The following SGSH variants were observed in gnomAD, a reference collection of about 807,000 sequenced individuals.
SGSH encodes heparan sulfate sulfatase.
In SGSH, 48 loss-of-function variants were observed where a neutral mutation model predicts 51.0. The ratio of observed to expected loss-of-function variants is 0.94; its 90% confidence interval spans 0.75 to 1.20. The LOEUF is 1.20. SGSH is among the 50% of genes most tolerant of loss of function. The pLI is 0.00. For missense variants in SGSH, 662 were observed against 717.8 expected (o/e 0.92, Z 0.89); for synonymous variants, 321 against 313.4 (o/e 1.02, Z -0.26).
chr17:80,209,701 C>T lies in SGSH; in HGVS notation c.*751G>A, dbSNP rs753104840. On this transcript the variant is annotated 3_prime_UTR_variant, in exon 8 of 8. Coordinates refer to ENST00000326317, the MANE Select transcript of SGSH (RefSeq NM_000199.5). ...CACCACCCAGCAATGCCAGTGTCAC[C>T]GAAGAATTAACCCAAGCCAGAGGAC... 40 of 985,312 alleles carry T rather than the reference C, an allele frequency of 4.1e-5. No homozygotes were observed. Among genetic ancestry groups the T allele is most frequent in the East Asian group, 1.1e-4 (1 of 8,790 alleles). 61.0% of individuals were successfully genotyped at this position (985,312 alleles called of 1,614,324 possible). A position where few individuals can be genotyped will look rare whatever the true frequency, so the allele number is the denominator to read the frequency against.
chr17:80,209,284 GA>G lies in SGSH; in HGVS notation c.*1167del. On this transcript the variant is annotated 3_prime_UTR_variant, in exon 8 of 8. Transcript: ENST00000326317. ...GTTGGTATCATCATAAATGAGTTCA[GA>G]AAAAGAACTTCTGTATATTTTACTA... is the stretch of plus-strand genomic sequence containing the variant. 1.0e-6 allele frequency: 1 copy of G among 982,642 alleles called. No homozygotes were observed. Among genetic ancestry groups the G allele is most frequent in the Non-Finnish European group, 1.2e-6 (1 of 827,400 alleles). The allele number at this position is 982,642 out of a possible 1,614,324, so 60.9% of individuals were successfully genotyped here.
chr17:80,204,345 A>G, downstream of SGSH: 1 of 1,553,064 alleles, frequency 6.4e-7, no homozygotes, highest in Middle Eastern at 1.8e-4. Context: ...ATGGAGGGTG[A>G]GGCCTGGTGA....
At position 80,213,816 on chromosome 17, in the gene SGSH, G is replaced by A. The variant is rs1455698449; in HGVS notation, c.733C>T (p.Arg245Cys). The A allele has an allele frequency of 6.2e-7, 1 of 1,604,176 alleles. No homozygotes were observed. Among genetic ancestry groups the A allele is most frequent in the Non-Finnish European group, 8.5e-7 (1 of 1,177,954 alleles). The change falls in exon 6 of 8, where the codon CGC becomes TGC. Residue 245 changes from arginine to cysteine, a missense_variant. By Grantham distance (180) the Arg-to-Cys change is radical. Coordinates refer to ENST00000326317, the MANE Select transcript of SGSH (RefSeq NM_000199.5). The surrounding 1 kb of genome is among the most constrained non-coding windows in gnomAD (Gnocchi z 4.6). ...TCTGCAAGCCCACCTTGGTCCATGCGGCCGACGGTGGTGTACTGAGCGGCC... is the reference window on the plus strand; with the variant it reads ...TCTGCAAGCCCACCTTGGTCCATGCAGCCGACGGTGGTGTACTGAGCGGCC... Reference protein sequence around the residue: ...DLAAQYTTVGRMDQGVGLVLQ... With the variant: ...DLAAQYTTVGCMDQGVGLVLQ...
chr17:80,209,203 C>T, downstream of SGSH: 1 of 668,070 alleles, frequency 1.5e-6, no homozygotes, highest in Non-Finnish European at 1.9e-6. Flanking sequence ...CTGTTGCAGA[C>T]TGAATGTCAT....
In SGSH at chr17:80,212,901, C is replaced by T. The variant is rs181568510; in HGVS notation, c.746-627G>A. On this transcript the variant is annotated intron_variant, in intron 6 of 7. Transcript: ENST00000326317. The surrounding 1 kb of genome is among the most constrained non-coding windows in gnomAD (Gnocchi z 5.9). ...AACCCGACGGGGTCCTTATAAGAAG[C>T]GGAAACAGGCCGGGCGCGGTGCCTC... 697 of 162,046 alleles carry T rather than the reference C, an allele frequency of 4.3e-3. 4 individuals carry two copies. The highest frequency in any genetic ancestry group is 0.015 in the African/African-American group (620 of 41,638). The allele number at this position is 162,046 out of a possible 1,614,324, so 10.0% of individuals were successfully genotyped here.
At chr17:80,204,392 G>A, downstream of SGSH, 9 of 1,480,092 alleles carry the variant, frequency 6.1e-6, no homozygotes, top group Non-Finnish European at 7.3e-6. Flanking sequence ...GTGGGTGAGG[G>A]GCTTTGGGAG....
intron 2 of SGSH, among the ~76,000 whole-genome samples, chr17:80,215,767 C>G (rs539335340): frequency 6.6e-6 from 1 of 151,644 alleles, no homozygotes; most frequent in Non-Finnish European, 1.5e-5. Flanking sequence ...TGCAGTGAGC[C>G]GAGATCACAC....
chr17:80,204,990 G>A (rs773347957), downstream of SGSH: 7 of 1,483,860 alleles, frequency 4.7e-6, no homozygotes, highest in Non-Finnish European at 4.5e-6. Flanking sequence ...GGCTGGCTGG[G>A]GGCTGCCGCA....
intron 1 of SGSH, 121 bp from the exon 2 acceptor site, chr17:80,217,313 G>T: frequency 8.5e-7 from 1 of 1,169,620 alleles, no homozygotes; most frequent in Non-Finnish European, 1.2e-6. Context: ...GCATGGTACT[G>T]GCTCAGTGTG....
At chr17:80,205,032 C>T (rs376922603), downstream of SGSH, 62 of 1,577,940 alleles carry the variant, frequency 3.9e-5, no homozygotes, top group Middle Eastern at 2.1e-4. Context: ...CTCTCCTCCA[C>T]AGGCTCCAGC....
In SGSH at chr17:80,210,912, G is replaced by C. The variant is rs144035603; in HGVS notation, c.1049C>G (p.Pro350Arg). ...TIHLTGRSLLPALEAEPLWAT... is the reference protein window; with the variant it reads ...TIHLTGRSLLRALEAEPLWAT... The stretch of plus-strand genomic sequence containing the variant: ...CCAGAGGGGCTCGGCCTCCAGCGCC[G>C]GCAGGAGGGACCGGCCAGTGAGGTG... The change falls in exon 8 of 8, where the codon CCG becomes CGG. Residue 350 changes from proline (P) to arginine (R), a missense_variant. Physicochemically the swap from Pro to Arg is moderately radical, Grantham distance 103. Transcript: ENST00000326317. 2 of 1,610,454 alleles carry C rather than the reference G, an allele frequency of 1.2e-6. No homozygotes were observed. Among genetic ancestry groups the C allele is most frequent in the Non-Finnish European group, 1.7e-6 (2 of 1,179,962 alleles).
rs1359433732 is a variant in SGSH at position 80,220,279 on chromosome 17, A to C, written c.35T>G (p.Leu12Arg). ...SCPVPACCAL[L>R]LVLGLCRARP... is the part of the protein sequence containing the mutation. ...CGCCCGGCAGAGCCCCAGGACTAGC[A>C]GCAGCGCGCAGCAGGCGGGCACGGG... Residue 12 changes from leucine (L) to arginine (R), a missense_variant, in exon 1 of 8, where the codon CTG becomes CGG. Leu to Arg is a moderately radical substitution (Grantham distance 102). Transcript: ENST00000326317. The C allele has an allele frequency of 1.3e-6, 2 of 1,519,782 alleles. No homozygotes were observed. Among genetic ancestry groups the C allele is most frequent in the South Asian group, 2.4e-5 (2 of 82,322 alleles). 94.1% of individuals were successfully genotyped at this position (1,519,782 alleles called of 1,614,324 possible). A position where few individuals can be genotyped will look rare whatever the true frequency, so the allele number is the denominator to read the frequency against.
At chr17:80,214,428 C>T in intron 4 of SGSH, 100 bp from the exon 5 acceptor site, 1 of 1,414,438 alleles carries the variant, frequency 7.1e-7, no homozygotes, top group Non-Finnish European at 9.6e-7. Context: ...GGAAGTCAAC[C>T]TGTGACCCTC....
In SGSH at chr17:80,217,202, G is replaced by T; in HGVS notation, c.89-10C>A. On this transcript the variant is annotated splice_polypyrimidine_tract_variant and intron_variant, in intron 1 of 7. Transcript: ENST00000326317. Reference sequence around the variant, plus strand: ...AAGCCTCCGTCATCCGCTGCGTGAGGTGGGAGACAGAGAGTGCACGGTCGG... The same window carrying T: ...AAGCCTCCGTCATCCGCTGCGTGAGTTGGGAGACAGAGAGTGCACGGTCGG... 1 of 1,595,366 alleles carries T rather than the reference G, an allele frequency of 6.3e-7. No homozygotes were observed. Among genetic ancestry groups the T allele is most frequent in the Non-Finnish European group, 8.5e-7 (1 of 1,176,180 alleles).
downstream of SGSH, chr17:80,205,205 G>T (rs772313392): frequency 6.2e-7 from 1 of 1,609,886 alleles, no homozygotes; most frequent in Non-Finnish European, 8.5e-7. Flanking sequence ...GTGCCTGGCA[G>T]GTATGCTGTT....
chr17:80,208,830 C>T (rs1303162416), downstream of SGSH: 9 of 153,490 alleles, frequency 5.9e-5, no homozygotes, highest in Non-Finnish European at 8.7e-5. Flanking sequence ...CACCCTTGCC[C>T]GGGGCAGAGG....
rs1240083192 is a variant in SGSH at position 80,209,404 on chromosome 17, A to G, written c.*1048T>C. 1 of 985,278 alleles carries G rather than the reference A, an allele frequency of 1.0e-6. No homozygotes were observed. The highest frequency in any genetic ancestry group is 1.2e-6 in the Non-Finnish European group (1 of 829,982). The allele number at this position is 985,278 out of a possible 1,614,324, so 61.0% of individuals were successfully genotyped here. A position where few individuals can be genotyped will look rare whatever the true frequency, so the allele number is the denominator to read the frequency against. Reference sequence around the variant, plus strand: ...AGGGAAGGGCAAGGGGAGCCCACCTACTCAAGGAAGCGCCCTCTCCTTCGA... The same window carrying G: ...AGGGAAGGGCAAGGGGAGCCCACCTGCTCAAGGAAGCGCCCTCTCCTTCGA... On this transcript the variant is annotated 3_prime_UTR_variant, in exon 8 of 8. Transcript: ENST00000326317.
chr17:80,210,030 T>G lies in SGSH; in HGVS notation c.*422A>C. Reference sequence around the variant, plus strand: ...CCCCTGCCTGCTCTCTGTGAAGGGTTCAGAAGTATCTGTGGCTGCCAAAGC... The same window carrying G: ...CCCCTGCCTGCTCTCTGTGAAGGGTGCAGAAGTATCTGTGGCTGCCAAAGC... On this transcript the variant is annotated 3_prime_UTR_variant, in exon 8 of 8. Coordinates refer to ENST00000326317, the MANE Select transcript of SGSH (RefSeq NM_000199.5). The G allele has an allele frequency of 9.1e-7, 1 of 1,094,590 alleles. No individual in the cohort carries two copies. The highest frequency in any genetic ancestry group is 1.1e-6 in the Non-Finnish European group (1 of 895,208). The allele number at this position is 1,094,590 out of a possible 1,614,324, so 67.8% of individuals were successfully genotyped here.
chr17:80,204,036 G>T, downstream of SGSH: 1 of 798,902 alleles, frequency 1.3e-6, no homozygotes, highest in South Asian at 1.8e-5. Flanking sequence ...TTCAAACCAG[G>T]GCAGGGTCTG....
Sources: gnomAD v4.1 joint callset for allele counts (sites outside exome capture counted in the v4.1 genomes callset) on GRCh38, gnomAD v4.1.1 for gene constraint, Gnocchi (gnomAD v3.1) non-coding constraint, MANE v1.5 for transcripts, NCBI Gene and HGNC (gene_info 2026-07-23, HGNC 2026-07-21) for gene names.